Variants in MCC observed in about 807,000 individuals in gnomAD.
MCC encodes the protein colorectal mutant cancer protein.
In MCC, 90 loss-of-function variants were observed where a neutral mutation model predicts 116.2. The ratio of observed to expected loss-of-function variants is 0.77; its 90% CI spans 0.65 to 0.92. The LOEUF (loss-of-function observed/expected upper bound fraction) is 0.92, where lower values mean the gene tolerates loss of function less well. Among genes scored for constraint, MCC ranks in the 40% least tolerant of loss-of-function variants. MCC has a pLI of 0.00. For missense variants in MCC, 1,516 were observed against 1,312.2 expected, an observed-to-expected ratio of 1.16 and a Z score of -2.40; for synonymous variants, 578 against 510.5, an observed-to-expected ratio of 1.13 and a Z score of -1.78.
chr5:113,260,653 C>T (rs550056687), intron 3 of MCC, among the ~76,000 whole-genome samples: 39 of 151,808 alleles, frequency 2.6e-4, no homozygotes, highest in Non-Finnish European at 4.0e-4. Context: ...GGTCTATTTG[C>T]GACTTGAAAG....
intron 3 of MCC, among the ~76,000 whole-genome samples, chr5:113,218,502 G>A (rs1763413622): frequency 6.6e-6 from 1 of 152,064 alleles, no homozygotes; most frequent in Non-Finnish European, 1.5e-5. Flanking sequence ...AGTGTATTAG[G>A]GTTTTCTCCT....
chr5:113,346,628 AACAAC>A (rs1041842204), intron 2 of MCC, among the ~76,000 whole-genome samples: 7 of 130,020 alleles, frequency 5.4e-5, no homozygotes, highest in East Asian at 2.0e-4. Flanking sequence ...CAACAACAAC[AACAAC>A]AAAAAAAACA....
rs532393491 is a variant in MCC, at chr5:113,259,947, CCAAAATGTA to C, written c.627+80563_627+80571del. The stretch of plus-strand genomic sequence containing the variant: ...TATTTCTTAAAAAAAGTCAAGTCAA[CCAAAATGTA>C]CAAATAAGCTCAAACTACAAAATGA... On this transcript the variant is annotated intron_variant, in intron 3 of 18. Coordinates refer to ENST00000408903, the MANE Select transcript of MCC (RefSeq NM_001085377.2). Among the ~76,000 whole-genome samples, 212 of 152,128 alleles carry C rather than the reference CCAAAATGTA, an allele frequency of 1.4e-3. 1 individual carries two copies. The highest frequency in any genetic ancestry group is 3.4e-3 in the Middle Eastern group (1 of 294).
intron 3 of MCC, among the ~76,000 whole-genome samples, chr5:113,281,495 T>A (rs1010646524): frequency 2.0e-5 from 3 of 152,180 alleles, no homozygotes; most frequent in Non-Finnish European, 4.4e-5. Context: ...CTCTCTCCCA[T>A]GACCTCAATC....
intron 1 of MCC, among the ~76,000 whole-genome samples, chr5:113,427,447 A>G (rs1770514274): frequency 6.6e-6 from 1 of 152,228 alleles, no homozygotes; most frequent in Admixed American, 6.5e-5. Context: ...ATGGATCAGT[A>G]CAGGAAACAA....
intron 5 of MCC, among the ~76,000 whole-genome samples, chr5:113,138,206 G>C (rs770334551): frequency 1.3e-5 from 2 of 151,962 alleles, no homozygotes; most frequent in Admixed American, 1.3e-4. Flanking sequence ...TTGGTAGAGA[G>C]GGGTGTGTTG....
At chr5:113,144,918 A>G (rs551048421) in intron 4 of MCC, among the ~76,000 whole-genome samples, 1 of 152,342 alleles carries the variant, frequency 6.6e-6, no homozygotes, top group Non-Finnish European at 1.5e-5. Context: ...AAAGGCAAGG[A>G]TCAAGGTTGA....
intron 11 of MCC, among the ~76,000 whole-genome samples, chr5:113,080,971 C>G (rs887805835): frequency 6.6e-6 from 1 of 152,074 alleles, no homozygotes; most frequent in Non-Finnish European, 1.5e-5. Context: ...GAGCAGGGAC[C>G]CTTTCTGTTT....
chr5:113,114,528 C>G (rs980456601), intron 6 of MCC, among the ~76,000 whole-genome samples: 4 of 151,944 alleles, frequency 2.6e-5, no homozygotes, highest in Admixed American at 1.3e-4. Flanking sequence ...AACATGCAAC[C>G]TTTTTTCCCC....
At chr5:113,287,369 C>T (rs957611600) in intron 3 of MCC, among the ~76,000 whole-genome samples, 1 of 152,288 alleles carries the variant, frequency 6.6e-6, no homozygotes, top group East Asian at 1.9e-4. Context: ...CGCTCTGTCG[C>T]CCAGGCTGGA....
chr5:113,295,237 A>G (rs1486851095), intron 3 of MCC, among the ~76,000 whole-genome samples: 1 of 152,166 alleles, frequency 6.6e-6, no homozygotes, highest in Non-Finnish European at 1.5e-5. Context: ...TCCATGATTT[A>G]ATAAGGTCAA....
chr5:113,216,058 C>A lies in MCC; in HGVS notation c.628-64636G>T, dbSNP rs1331603306. Among the ~76,000 whole-genome samples, 2 of 152,210 alleles carry A rather than the reference C, an allele frequency of 1.3e-5. 1 individual carries two copies. The highest frequency in any genetic ancestry group is 2.9e-5 in the Non-Finnish European group (2 of 68,030). On this transcript the variant is annotated intron_variant, in intron 3 of 18. Transcript: ENST00000408903. The stretch of plus-strand genomic sequence containing the variant: ...ACTATGGCCCATGAGCAAAATCTGA[C>A]CTTCTACCTGTTTTTGTGAATAAAG...
chr5:113,226,576 T>C (rs1763751042), intron 3 of MCC, among the ~76,000 whole-genome samples: 1 of 152,350 alleles, frequency 6.6e-6, no homozygotes, highest in East Asian at 1.9e-4. Flanking sequence ...ACAATTTAGT[T>C]TGAGGGGCTA....
chr5:113,326,802 T>C (rs1297328247), intron 3 of MCC, among the ~76,000 whole-genome samples: 7 of 152,212 alleles, frequency 4.6e-5, no homozygotes, highest in Admixed American at 2.6e-4. Context: ...TTAAGGTAGA[T>C]TATATTCAAC....
intron 3 of MCC, among the ~76,000 whole-genome samples, chr5:113,272,132 AC>A (rs1765639425): frequency 6.6e-6 from 1 of 152,186 alleles, no homozygotes; most frequent in African/African-American, 2.4e-5. Flanking sequence ...TTTTGCTTGC[AC>A]CAAAAGGGAA....
chr5:113,192,499 G>A (rs1762195375), intron 3 of MCC, among the ~76,000 whole-genome samples: 1 of 152,208 alleles, frequency 6.6e-6, no homozygotes, highest in African/African-American at 2.4e-5. Context: ...ATTAGCATAT[G>A]TCTTCGTGTG....
intron 3 of MCC, among the ~76,000 whole-genome samples, chr5:113,243,770 T>A (rs73779001): frequency 0.067 from 10,181 of 152,294 alleles, 730 homozygotes; most frequent in African/African-American, 0.18. Flanking sequence ...GACGGGCTCA[T>A]GGCTCTGGGA....
intron 3 of MCC, among the ~76,000 whole-genome samples, chr5:113,288,321 A>T (rs1766342875): frequency 6.6e-6 from 1 of 152,232 alleles, no homozygotes; most frequent in Non-Finnish European, 1.5e-5. Flanking sequence ...AAGATATTTA[A>T]AGCTTTATTC....
intron 14 of MCC, among the ~76,000 whole-genome samples, chr5:113,062,768 G>C (rs1392776429): frequency 6.6e-6 from 1 of 152,216 alleles, no homozygotes; most frequent in African/African-American, 2.4e-5. Context: ...ACCTGGCTGA[G>C]TGCATTACTG....
Sources: gnomAD v4.1 joint callset for allele counts (sites outside exome capture counted in the v4.1 genomes callset) on GRCh38, gnomAD v4.1.1 for gene constraint, MANE v1.5 for transcripts, NCBI Gene and HGNC (gene_info 2026-07-23, HGNC 2026-07-21) for gene names.